Variants in UNC13C observed in about 807,000 individuals in gnomAD.
UNC13C encodes the protein unc-13 homolog C.
Under a neutral mutation model 245.4 loss-of-function variants are expected in UNC13C, and 174 were observed. That is an observed-to-expected ratio of 0.71 (90% confidence interval 0.63 to 0.80). The LOEUF (loss-of-function observed/expected upper bound fraction) is 0.80. UNC13C is among the 30% of genes least tolerant of loss of function. UNC13C has a pLI of 0.00. For missense variants in UNC13C, 2,829 were observed against 2,602.9 expected (o/e 1.09, Z -1.89); for synonymous variants, 992 against 895.1 (o/e 1.11, Z -1.93).
At chr15:53,853,587 T>A in the UNC13C span, among the ~76,000 whole-genome samples, 1 of 152,210 alleles carries the variant, frequency 6.6e-6, no homozygotes, top group Admixed American at 6.5e-5. Context: ...TCCACAATGG[T>A]TGAACTAATT....
At position 54,294,064 on chromosome 15, in the gene UNC13C, G is replaced by T. The variant is rs2140936544; in HGVS notation, c.3988G>T (p.Glu1330Ter). ...SGEMDVWYNL[E>*]KRTDKSAVSG... ...AGAAATGGATGTCTGGTACAACTTAGGTGATTTTTTTTTTTATCTACTTGA... is the reference window on the plus strand; with the variant it reads ...AGAAATGGATGTCTGGTACAACTTATGTGATTTTTTTTTTTATCTACTTGA... Residue 1330 changes from glutamate to a stop codon, truncating the protein, a stop_gained and splice_region_variant, in exon 11 of 33, where the codon GAG (glutamate) becomes TAG (stop). Coordinates refer to ENST00000260323, the MANE Select transcript of UNC13C (RefSeq NM_001080534.3). LOFTEE classifies it high-confidence loss of function. 1.3e-6 allele frequency: 2 copies of T among 1,520,594 alleles called. No individual in the cohort carries two copies. Among genetic ancestry groups the T allele is most frequent in the Non-Finnish European group, 8.8e-7 (1 of 1,140,242 alleles). 94.2% of individuals were successfully genotyped at this position (1,520,594 alleles called of 1,614,324 possible).
At chr15:54,280,356 C>G (rs2036944136) in intron 10 of UNC13C, among the ~76,000 whole-genome samples, 1 of 151,538 alleles carries the variant, frequency 6.6e-6, no homozygotes, top group Admixed American at 6.6e-5. Context: ...CAATACGATC[C>G]CATATTTGTC....
At chr15:54,378,253 T>C (rs1349512903) in intron 17 of UNC13C, among the ~76,000 whole-genome samples, 1 of 152,176 alleles carries the variant, frequency 6.6e-6, no homozygotes, top group Admixed American at 6.5e-5. Context: ...GTATTTGAAA[T>C]CAGCTATCAT....
At chr15:54,621,188 T>C (rs1207557954) in intron 30 of UNC13C, among the ~76,000 whole-genome samples, 1 of 152,194 alleles carries the variant, frequency 6.6e-6, no homozygotes, top group East Asian at 1.9e-4. Context: ...GAATCTTTTG[T>C]TCCGGGCTTT....
chr15:53,999,260 A>G (rs1056005271), intron 1 of UNC13C, among the ~76,000 whole-genome samples: 2 of 151,790 alleles, frequency 1.3e-5, no homozygotes, highest in African/African-American at 4.8e-5. Flanking sequence ...ACATATGTAT[A>G]TGTAAGATAT....
chr15:54,373,666 TG>T (rs1268405797), intron 17 of UNC13C, among the ~76,000 whole-genome samples: 1 of 152,206 alleles, frequency 6.6e-6, no homozygotes, highest in African/African-American at 2.4e-5. Flanking sequence ...AGCCCTGGCT[TG>T]GGAGCTTCTA....
Position 54,378,282 on chromosome 15 carries a change from A to G in UNC13C, c.4714-14766A>G, listed in dbSNP as rs186134730. Among the ~76,000 whole-genome samples the G allele has an allele frequency of 1.2e-3, 181 of 152,294 alleles. 1 individual carries two copies. Among genetic ancestry groups the G allele is most frequent in the African/African-American group, 4.1e-3 (170 of 41,574 alleles). On this transcript the variant is annotated intron_variant, in intron 17 of 32. Coordinates refer to ENST00000260323, the MANE Select transcript of UNC13C (RefSeq NM_001080534.3). Reference sequence around the variant, plus strand: ...CTATCATGTTACTCCAGAGTTTGTTATCTTTGTTCTAAGCACTACCAGTGC... The same window carrying G: ...CTATCATGTTACTCCAGAGTTTGTTGTCTTTGTTCTAAGCACTACCAGTGC...
chr15:54,632,251 T>C (rs993915795), downstream of UNC13C: 2 of 152,236 alleles, frequency 1.3e-5, no homozygotes, highest in Non-Finnish European at 2.9e-5. Context: ...ATATGAAATG[T>C]GCAACTATTT....
In UNC13C at chr15:54,020,766, G is replaced by T. The variant is rs180675039; in HGVS notation, c.2983+4880G>T. Among the ~76,000 whole-genome samples, 160 of 152,096 alleles carry T rather than the reference G, an allele frequency of 1.1e-3. 1 individual carries two copies. The highest frequency in any genetic ancestry group is 5.0e-3 in the Admixed American group (76 of 15,282). Reference sequence around the variant, plus strand: ...ATCATCTGTATCAAAAGTCCTAGGGGATTTTCCTGTAGAAACCATTTAGTG... The same window carrying T: ...ATCATCTGTATCAAAAGTCCTAGGGTATTTTCCTGTAGAAACCATTTAGTG... On this transcript the variant is annotated intron_variant, in intron 2 of 32. Coordinates refer to ENST00000260323, the MANE Select transcript of UNC13C (RefSeq NM_001080534.3).
chr15:54,607,534 T>G (rs929157039), intron 30 of UNC13C, among the ~76,000 whole-genome samples: 10 of 152,188 alleles, frequency 6.6e-5, no homozygotes, highest in African/African-American at 2.4e-4. Flanking sequence ...TTTTTATTTT[T>G]TAAATGTTTC....
At chr15:54,048,118 C>A (rs1897118578) in intron 2 of UNC13C, among the ~76,000 whole-genome samples, 1 of 152,066 alleles carries the variant, frequency 6.6e-6, no homozygotes, top group South Asian at 2.1e-4. Flanking sequence ...ACATGCTTAT[C>A]CTTAGTTAAT....
intron 8 of UNC13C, among the ~76,000 whole-genome samples, chr15:54,260,709 A>G (rs2036401683): frequency 6.7e-6 from 1 of 148,410 alleles, no homozygotes; most frequent in African/African-American, 2.4e-5. Flanking sequence ...ATAGTCATAT[A>G]ATCAAAATAT....
chr15:54,623,879 G>C lies in UNC13C; in HGVS notation c.6284G>C (p.Gly2095Ala), dbSNP rs1900963256. 3.7e-6 allele frequency: 6 copies of C among 1,613,168 alleles called. No homozygotes were observed. Among genetic ancestry groups the C allele is most frequent in the Non-Finnish European group, 3.4e-6 (4 of 1,179,480 alleles). Residue 2095 changes from glycine (G) to alanine (A), a missense_variant, in exon 32 of 33, where the codon GGA becomes GCA. Physicochemically the swap from Gly to Ala is moderately conservative, Grantham distance 60 (BLOSUM62 0). Transcript: ENST00000260323. ...VEVCILGPNL[G>A]DKKRKQGTKT... The stretch of plus-strand genomic sequence containing the variant: ...GTTTGTATACTGGGACCCAACCTTG[G>C]AGACAAGAAGAGAAAACAAGGCACA...
chr15:54,187,846 G>T (rs1191573058), intron 4 of UNC13C, among the ~76,000 whole-genome samples: 1 of 152,052 alleles, frequency 6.6e-6, no homozygotes, highest in Non-Finnish European at 1.5e-5. Context: ...GTTTTGCTCT[G>T]TTGCCCAGGC....
intron 2 of UNC13C, among the ~76,000 whole-genome samples, chr15:54,120,613 A>T (rs2030600517): frequency 6.6e-6 from 1 of 152,110 alleles, no homozygotes; most frequent in Non-Finnish European, 1.5e-5. Context: ...GTAAGGCTAT[A>T]GCTGCCAAAC....
At chr15:54,351,694 A>G (rs2038986016) in intron 17 of UNC13C, among the ~76,000 whole-genome samples, 1 of 152,124 alleles carries the variant, frequency 6.6e-6, no homozygotes, top group Non-Finnish European at 1.5e-5. Context: ...TTGCTCACCA[A>G]TGCATTTTTT....
chr15:54,276,554 C>T (rs940198663), intron 10 of UNC13C, among the ~76,000 whole-genome samples: 2 of 152,078 alleles, frequency 1.3e-5, no homozygotes, highest in African/African-American at 4.8e-5. Context: ...TGTGCATTTA[C>T]ATCCTTACAT....
the UNC13C span, among the ~76,000 whole-genome samples, chr15:53,902,631 T>G: frequency 6.6e-6 from 1 of 152,176 alleles, no homozygotes. Flanking sequence ...TTAAACACTT[T>G]CTACATGCAA....
At chr15:54,581,394 C>T (rs1898195122) in intron 30 of UNC13C, among the ~76,000 whole-genome samples, 1 of 152,206 alleles carries the variant, frequency 6.6e-6, no homozygotes, top group African/African-American at 2.4e-5. Context: ...GGCTTAAACA[C>T]AAAAACTTAT....
Sources: allele counts gnomAD v4.1 joint callset (sites outside exome capture counted in the v4.1 genomes callset), GRCh38; gene constraint gnomAD v4.1.1; transcripts MANE v1.5; gene names NCBI Gene and HGNC (gene_info 2026-07-23, HGNC 2026-07-21).